CLMP: variants seen among roughly 807,000 people sequenced by gnomAD.
CLMP encodes the protein CXADR-like membrane protein.
Under a neutral mutation model 45.2 loss-of-function variants are expected in CLMP, and 27 were observed. The ratio of observed to expected loss-of-function variants is 0.60; its 90% CI spans 0.44 to 0.82. The LOEUF (loss-of-function observed/expected upper bound fraction) is 0.82. Among genes scored for constraint, CLMP ranks in the 40% least tolerant of loss-of-function variants. CLMP has a pLI of 0.00. For missense variants in CLMP, 403 were observed against 448.4 expected, an observed-to-expected ratio of 0.90 and a Z score of 0.91; for synonymous variants, 167 against 171.4, an observed-to-expected ratio of 0.97 and a Z score of 0.20.
chr11:123,119,021 C>T (rs1369342862), intron 1 of CLMP, among the ~76,000 whole-genome samples: 2 of 42,490 alleles, frequency 4.7e-5, no homozygotes, highest in Non-Finnish European at 8.6e-5. Flanking sequence ...CTCTCTCTCT[C>T]TCTCTCTCTC....
intron 1 of CLMP, among the ~76,000 whole-genome samples, chr11:123,104,128 C>A (rs1380870631): frequency 1.4e-5 from 1 of 72,366 alleles, no homozygotes; most frequent in Non-Finnish European, 2.5e-5. Context: ...CCATGCCTGG[C>A]TTTTTTTTTT....
intron 2 of CLMP, among the ~76,000 whole-genome samples, chr11:123,097,067 G>A (rs1168109494): frequency 3.3e-5 from 5 of 152,088 alleles, no homozygotes; most frequent in African/African-American, 1.2e-4. Flanking sequence ...GCCCAGGCTG[G>A]TCTTGAACTC....
chr11:123,102,531 G>A (rs186110213), intron 1 of CLMP, among the ~76,000 whole-genome samples: 7 of 150,376 alleles, frequency 4.7e-5, no homozygotes, highest in South Asian at 2.1e-4. Flanking sequence ...CGCCCACCTC[G>A]GCCTCCCAAA....
chr11:123,077,916 G>A (rs1056250587), intron 5 of CLMP, among the ~76,000 whole-genome samples: 2 of 152,114 alleles, frequency 1.3e-5, no homozygotes, highest in African/African-American at 4.8e-5. Flanking sequence ...AGACCAGCCT[G>A]GCCAACATGG....
intron 2 of CLMP, among the ~76,000 whole-genome samples, chr11:123,095,919 G>T (rs574623918): frequency 6.6e-6 from 1 of 152,296 alleles, no homozygotes; most frequent in Admixed American, 6.5e-5. Flanking sequence ...AAGACCGCAA[G>T]AACCTGCCTC....
At position 123,157,644 on chromosome 11, in the gene CLMP, C is replaced by T. The variant is rs191459554; in HGVS notation, c.28+37269G>A. On this transcript the variant is annotated intron_variant, in intron 1 of 6. Transcript: ENST00000448775. Reference sequence around the variant, plus strand: ...TGAGGCAGGAGAATCACTTGAACCCCGAGTGGGGCAGGAGGCAGAGGTGGC... The same window carrying T: ...TGAGGCAGGAGAATCACTTGAACCCTGAGTGGGGCAGGAGGCAGAGGTGGC... Among the ~76,000 whole-genome samples, 410 of 149,834 alleles carry T rather than the reference C, an allele frequency of 2.7e-3. 1 individual carries two copies. Among genetic ancestry groups the T allele is most frequent in the African/African-American group, 9.8e-3 (397 of 40,712 alleles).
intron 1 of CLMP, among the ~76,000 whole-genome samples, chr11:123,126,291 C>T (rs565903985): frequency 6.6e-6 from 1 of 152,296 alleles, no homozygotes; most frequent in South Asian, 2.1e-4. Flanking sequence ...GTGCTTGTCA[C>T]CAAATAGGCC....
intron 1 of CLMP, among the ~76,000 whole-genome samples, chr11:123,113,685 C>G (rs1860675691): frequency 6.6e-6 from 1 of 152,172 alleles, no homozygotes; most frequent in Non-Finnish European, 1.5e-5. Flanking sequence ...ATAAAACATA[C>G]TGTGCCTGGA....
At chr11:123,113,216 G>A (rs79189146) in intron 1 of CLMP, among the ~76,000 whole-genome samples, 2,318 of 152,298 alleles carry the variant, frequency 0.015, 25 homozygotes, top group South Asian at 0.028. Flanking sequence ...ACCCAGAGGT[G>A]AGTAACCTGG....
chr11:123,183,225 C>CT (rs1861792061), intron 1 of CLMP, among the ~76,000 whole-genome samples: 2 of 152,194 alleles, frequency 1.3e-5, no homozygotes, highest in South Asian at 4.2e-4. Context: ...CTGAGGGTCA[C>CT]TTTTTTTGCT....
chr11:123,098,821 C>T (rs548638651), intron 1 of CLMP, among the ~76,000 whole-genome samples: 1 of 151,670 alleles, frequency 6.6e-6, no homozygotes, highest in South Asian at 2.1e-4. Context: ...ATTCTCGTGC[C>T]TCAGCCTCCC....
chr11:123,163,148 A>G (rs1057148800), intron 1 of CLMP, among the ~76,000 whole-genome samples: 2 of 152,106 alleles, frequency 1.3e-5, no homozygotes, highest in African/African-American at 4.8e-5. Flanking sequence ...GCAAAGAGGC[A>G]AGGGAGACAA....
intron 1 of CLMP, among the ~76,000 whole-genome samples, chr11:123,126,245 G>T (rs891937414): frequency 1.8e-4 from 28 of 152,132 alleles, no homozygotes; most frequent in African/African-American, 6.5e-4. Flanking sequence ...TCCCCAGGCA[G>T]GGCCATTCTT....
chr11:123,190,883 A>G, intron 1 of CLMP, among the ~76,000 whole-genome samples: 1 of 152,234 alleles, frequency 6.6e-6, no homozygotes, highest in East Asian at 1.9e-4. Context: ...GTGTAATAGG[A>G]TCATGGAATT....
At chr11:123,178,013 C>T (rs1565404770) in intron 1 of CLMP, among the ~76,000 whole-genome samples, 1 of 152,142 alleles carries the variant, frequency 6.6e-6, no homozygotes, top group Non-Finnish European at 1.5e-5. Flanking sequence ...CAGGCACGTG[C>T]CACTATGCTG....
In CLMP at chr11:123,078,737, C is replaced by T. The variant is rs181865358; in HGVS notation, c.680-3894G>A. ...TCGGCTCACTGCAAGCTCCACCTCC[C>T]GGGTTCACACCATTCTCCTGCCTCA... On this transcript the variant is annotated intron_variant, in intron 5 of 6. Coordinates refer to ENST00000448775, the MANE Select transcript of CLMP (RefSeq NM_024769.5). Among the ~76,000 whole-genome samples, 475 of 151,634 alleles carry T rather than the reference C, an allele frequency of 3.1e-3. 2 individuals carry two copies. The highest frequency in any genetic ancestry group is 0.01 in the African/African-American group (422 of 41,360).
At chr11:123,118,660 G>T (rs963775944) in intron 1 of CLMP, among the ~76,000 whole-genome samples, 2 of 152,148 alleles carry the variant, frequency 1.3e-5, no homozygotes, top group African/African-American at 2.4e-5. Flanking sequence ...GGCAAGAATA[G>T]ACCTGGCATT....
chr11:123,153,648 C>T lies in CLMP; in HGVS notation c.28+41265G>A, dbSNP rs116753135. 2.9e-4 allele frequency among the ~76,000 whole-genome samples: 44 copies of T among 152,170 alleles called. 3 individuals carry two copies. Among genetic ancestry groups the T allele is most frequent in the African/African-American group, 8.9e-4 (37 of 41,540 alleles). ...ATAGGCACTAATTATTTCCATTGCACGGCCGGAGGGATTCCCTTTTAATGC... is the reference window on the plus strand; with the variant it reads ...ATAGGCACTAATTATTTCCATTGCATGGCCGGAGGGATTCCCTTTTAATGC... On this transcript the variant is annotated intron_variant, in intron 1 of 6. Coordinates refer to ENST00000448775, the MANE Select transcript of CLMP (RefSeq NM_024769.5).
chr11:123,098,760 G>A (rs982362116), intron 1 of CLMP, among the ~76,000 whole-genome samples: 1 of 146,926 alleles, frequency 6.8e-6, no homozygotes, highest in Non-Finnish European at 1.5e-5. Context: ...AGGCTGGAGT[G>A]CAGTGGTGCG....
Sources: allele counts gnomAD v4.1 joint callset (sites outside exome capture counted in the v4.1 genomes callset), GRCh38; gene constraint gnomAD v4.1.1; transcripts MANE v1.5; gene names NCBI Gene and HGNC (gene_info 2026-07-23, HGNC 2026-07-21).